Variants in CTNNA2 observed in about 807,000 individuals in gnomAD.
CTNNA2 encodes the protein catenin alpha 2, also known as catenin alpha-2.
In CTNNA2, 42 loss-of-function variants were observed where a neutral mutation model predicts 101.0. The ratio of observed to expected loss-of-function variants is 0.42; its 90% CI spans 0.32 to 0.54. CTNNA2 has a LOEUF of 0.54. Among genes scored for constraint, CTNNA2 ranks in the 20% least tolerant of loss-of-function variants. The pLI, the probability that CTNNA2 is intolerant of heterozygous loss-of-function variation, is 0.14. For missense variants in CTNNA2, 871 were observed against 1,223.1 expected (o/e 0.71, Z 4.29); for synonymous variants, 450 against 456.4 (o/e 0.99, Z 0.18).
At chr2:79,732,628 A>G (rs1317438720) in intron 2 of CTNNA2, among the ~76,000 whole-genome samples, 2 of 152,114 alleles carry the variant, frequency 1.3e-5, no homozygotes, top group Non-Finnish European at 2.9e-5. Flanking sequence ...TAGACATTTA[A>G]AAGAATGGCA....
At chr2:79,707,615 A>G (rs1357257036) in intron 2 of CTNNA2, among the ~76,000 whole-genome samples, 2 of 152,188 alleles carry the variant, frequency 1.3e-5, no homozygotes, top group Non-Finnish European at 2.9e-5. Context: ...CAGTGTCTTT[A>G]TCAATACCAT....
At chr2:79,692,776 G>C (rs1268750107) in intron 2 of CTNNA2, among the ~76,000 whole-genome samples, 1 of 147,410 alleles carries the variant, frequency 6.8e-6, no homozygotes, top group African/African-American at 2.5e-5. Flanking sequence ...CACAGGAACA[G>C]AAAACCAAAC....
At chr2:80,435,927 T>C (rs1230844579) in intron 9 of CTNNA2, among the ~76,000 whole-genome samples, 1 of 152,198 alleles carries the variant, frequency 6.6e-6, no homozygotes, top group Non-Finnish European at 1.5e-5. Context: ...CTCTGAGCCT[T>C]AACTCCTGCA....
intron 2 of CTNNA2, among the ~76,000 whole-genome samples, chr2:79,733,708 G>C (rs1433962001): frequency 6.6e-6 from 1 of 151,998 alleles, no homozygotes; most frequent in Non-Finnish European, 1.5e-5. Context: ...ACAGTAGTCA[G>C]GATACATTGT....
chr2:80,591,081 C>T (rs929192868), intron 15 of CTNNA2, among the ~76,000 whole-genome samples: 1 of 152,096 alleles, frequency 6.6e-6, no homozygotes, highest in South Asian at 2.1e-4. Context: ...TAGTTTTGAT[C>T]AGGAGCACAT....
intron 7 of CTNNA2, among the ~76,000 whole-genome samples, chr2:80,385,435 G>A (rs1209248607): frequency 6.6e-6 from 1 of 152,168 alleles, no homozygotes; most frequent in African/African-American, 2.4e-5. Flanking sequence ...AGACACAGAG[G>A]TCTGCCAATG....
chr2:79,243,003 C>CACACACACACACACACACACAT (rs1674651004), intron 2 of CTNNA2, among the ~76,000 whole-genome samples: 1 of 134,330 alleles, frequency 7.4e-6, no homozygotes, highest in Non-Finnish European at 1.6e-5. Flanking sequence ...TACACACACA[C>CACACACACACACACACACACAT]ACACACACAC....
At chr2:79,697,822 T>G (rs531303059) in intron 2 of CTNNA2, 1 of 152,110 alleles carries the variant, frequency 6.6e-6, no homozygotes, top group Non-Finnish European at 1.5e-5. Flanking sequence ...CAGTTGAAAC[T>G]CACCAAATAG....
chr2:79,191,819 C>T (rs1673875424), intron 1 of CTNNA2, among the ~76,000 whole-genome samples: 1 of 152,108 alleles, frequency 6.6e-6, no homozygotes, highest in Non-Finnish European at 1.5e-5. Flanking sequence ...TGTTATGTCA[C>T]ATAGTACCAA....
intron 4 of CTNNA2, among the ~76,000 whole-genome samples, chr2:79,449,811 T>A (rs1678869319): frequency 6.6e-6 from 1 of 151,976 alleles, no homozygotes; most frequent in Non-Finnish European, 1.5e-5. Context: ...GAAAACCTAA[T>A]CAACTAAACT....
chr2:79,340,833 CA>C (rs56276462), intron 3 of CTNNA2, among the ~76,000 whole-genome samples: 27 of 32,532 alleles, frequency 8.3e-4, no homozygotes, highest in Non-Finnish European at 1.0e-3. Flanking sequence ...GACTCAGTCT[CA>C]AAAAAAAAAA....
chr2:80,418,132 G>T (rs991891960), intron 8 of CTNNA2, among the ~76,000 whole-genome samples: 3 of 152,096 alleles, frequency 2.0e-5, no homozygotes, highest in Non-Finnish European at 4.4e-5. Flanking sequence ...AGCCACGGCA[G>T]GTCAATTTCA....
chr2:80,205,296 C>T (rs1157906714), intron 7 of CTNNA2, among the ~76,000 whole-genome samples: 1 of 152,152 alleles, frequency 6.6e-6, no homozygotes, highest in East Asian at 1.9e-4. Flanking sequence ...ACCATACACA[C>T]AGAAACTATG....
chr2:80,590,789 G>A (rs910383195), intron 15 of CTNNA2, among the ~76,000 whole-genome samples: 3 of 152,016 alleles, frequency 2.0e-5, no homozygotes, highest in East Asian at 3.9e-4. Context: ...TTCATTAGAA[G>A]TTCATATTTG....
chr2:80,560,482 A>G (rs1558587659), intron 12 of CTNNA2, among the ~76,000 whole-genome samples: 1 of 152,076 alleles, frequency 6.6e-6, no homozygotes, highest in East Asian at 1.9e-4. Context: ...TCATTCAAGA[A>G]TGGGTCGGTA....
In CTNNA2 at chr2:80,302,651, G is replaced by A; in HGVS notation, c.1057-90560G>A. The A allele has an allele frequency of 6.2e-7, 1 of 1,608,998 alleles. No individual in the cohort carries two copies. The highest frequency in any genetic ancestry group is 8.5e-7 in the Non-Finnish European group (1 of 1,178,718). On this transcript the variant is annotated intron_variant, in intron 7 of 18. Coordinates refer to ENST00000402739, the MANE Select transcript of CTNNA2 (RefSeq NM_001282597.3). This position sits in a 1 kb window ranked among gnomAD's most constrained non-coding sequence, Gnocchi z 6.4. The stretch of plus-strand genomic sequence containing the variant: ...CCCGCCGTCCGCGAGCGTGGTGGCC[G>A]AGCTGGCAGGGGGCCCCAGATCACT...
intron 1 of CTNNA2, among the ~76,000 whole-genome samples, chr2:79,584,400 A>T (rs1467405090): frequency 2.0e-5 from 3 of 152,012 alleles, no homozygotes; most frequent in Non-Finnish European, 4.4e-5. Flanking sequence ...TAGTGTCATT[A>T]TGAATTCCTG....
At chr2:80,033,166 AC>A (rs1276462360) in intron 7 of CTNNA2, among the ~76,000 whole-genome samples, 4 of 150,556 alleles carry the variant, frequency 2.7e-5, no homozygotes, top group African/African-American at 7.3e-5. Flanking sequence ...AAAAAAAAAA[AC>A]AAACACACAA....
intron 2 of CTNNA2, among the ~76,000 whole-genome samples, chr2:79,290,909 G>A (rs11126709): frequency 0.23 from 34,457 of 152,092 alleles, 4,348 homozygotes; most frequent in African/African-American, 0.34. Flanking sequence ...GTCTAATTGC[G>A]CTGACTAACG....
Sources: gnomAD v4.1 joint callset for allele counts (sites outside exome capture counted in the v4.1 genomes callset) on GRCh38, gnomAD v4.1.1 for gene constraint, Gnocchi (gnomAD v3.1) non-coding constraint, MANE v1.5 for transcripts, NCBI Gene and HGNC (gene_info 2026-07-23, HGNC 2026-07-21) for gene names.